NFATC1: variants seen among roughly 807,000 people sequenced by gnomAD.
NFATC1 encodes nuclear factor of activated T cells 1, also known as nuclear factor of activated T-cells, cytoplasmic 1.
Under a neutral mutation model 76.0 loss-of-function variants are expected in NFATC1, and 22 were observed. The ratio of observed to expected loss-of-function variants is 0.29; its 90% confidence interval spans 0.21 to 0.41. NFATC1 has a LOEUF of 0.41. Among genes scored for constraint, NFATC1 ranks in the 10% least tolerant of loss-of-function variants. The probability of loss-of-function intolerance (pLI) is 1.00; values close to 1 mark genes in which losing one functional copy is unlikely to be tolerated. For synonymous variants in NFATC1, 704 were observed against 613.1 expected, an observed-to-expected ratio of 1.15 and a Z score of -2.19; for missense variants, 1,357 against 1,337.7, an observed-to-expected ratio of 1.01 and a Z score of -0.23.
chr18:79,521,208 T>G (rs2090547724), intron 9 of NFATC1, among the ~76,000 whole-genome samples: 1 of 57,674 alleles, frequency 1.7e-5, no homozygotes, highest in African/African-American at 6.0e-5. Context: ...TCAGCTGATA[T>G]GTGTGTCTGT....
chr18:79,470,566 C>T lies in NFATC1; in HGVS notation c.2092+2984C>T, dbSNP rs1174272455. 2.6e-5 allele frequency: 4 copies of T among 152,238 alleles called. No individual in the cohort carries two copies. In the East Asian group the frequency reaches 5.8e-4, roughly 22 times the overall value. The allele number at this position is 152,238 out of a possible 1,614,324, so 9.4% of individuals were successfully genotyped here. A position where few individuals can be genotyped will look rare whatever the true frequency, so the allele number is the denominator to read the frequency against. Reference sequence around the variant, plus strand: ...CACAGGCAGCACAGGGAGGCCCCTCCGAGAGCTCCAAGCATTTGGAATCCA... The same window carrying T: ...CACAGGCAGCACAGGGAGGCCCCTCTGAGAGCTCCAAGCATTTGGAATCCA... On this transcript the variant is annotated intron_variant, in intron 8 of 9. Coordinates refer to ENST00000427363, the MANE Select transcript of NFATC1 (RefSeq NM_001278669.2).
chr18:79,449,793 G>A (rs2087382313), intron 4 of NFATC1, among the ~76,000 whole-genome samples: 1 of 152,228 alleles, frequency 6.6e-6, no homozygotes, highest in African/African-American at 2.4e-5. Flanking sequence ...CAGAGGTCCT[G>A]GGGCTGCAGG....
intron 2 of NFATC1, among the ~76,000 whole-genome samples, chr18:79,425,244 TCTCTGTTTCTCTCCCTGTCTCTGTC>T: frequency 6.6e-6 from 1 of 150,650 alleles, no homozygotes; most frequent in Admixed American, 6.6e-5. Flanking sequence ...TGTCTCTGTC[TCTCTGTTTCTCTCCCTGTCTCTGTC>T]TCTCTCTCTG....
chr18:79,512,154 G>A (rs1031210120), intron 9 of NFATC1, among the ~76,000 whole-genome samples: 24 of 152,052 alleles, frequency 1.6e-4, no homozygotes, highest in African/African-American at 5.3e-4. Flanking sequence ...GCCCCAGGAC[G>A]CAGCCTGACC....
intron 8 of NFATC1, among the ~76,000 whole-genome samples, chr18:79,485,539 C>T (rs1425544728): frequency 2.7e-5 from 4 of 150,278 alleles, no homozygotes; most frequent in African/African-American, 4.9e-5. Flanking sequence ...GGCTCTGGCC[C>T]GGGCCTGGCG....
rs186184635 is a variant in NFATC1 at position 79,526,778 on chromosome 18, G to A, written c.2783-750G>A. ...ACACTACTAATTGCTCCAGGAAGCCGCCCTGAGACAGGCCGGGGCCTTTGC... is the reference window on the plus strand; with the variant it reads ...ACACTACTAATTGCTCCAGGAAGCCACCCTGAGACAGGCCGGGGCCTTTGC... On this transcript the variant is annotated intron_variant, in intron 9 of 9. Coordinates refer to ENST00000427363, the MANE Select transcript of NFATC1 (RefSeq NM_001278669.2). Among the ~76,000 whole-genome samples the A allele has an allele frequency of 3.3e-5, 5 of 152,358 alleles. No individual in the cohort carries two copies. In the East Asian group the frequency reaches 7.7e-4, roughly 23 times the overall value.
intron 9 of NFATC1, among the ~76,000 whole-genome samples, 173 bp downstream of exon 9, chr18:79,487,110 A>G (rs1299413535): frequency 6.6e-6 from 1 of 151,936 alleles, no homozygotes; most frequent in African/African-American, 2.4e-5. Context: ...CCACGGCGTC[A>G]GCGCCACCTG....
chr18:79,442,108 C>A (rs2086999837), intron 3 of NFATC1, among the ~76,000 whole-genome samples: 1 of 152,128 alleles, frequency 6.6e-6, no homozygotes, highest in East Asian at 1.9e-4. Context: ...CAAGGTGGTC[C>A]CTGCATGGCA....
chr18:79,411,693 C>A (rs530140861), intron 2 of NFATC1, among the ~76,000 whole-genome samples, 192 bp downstream of exon 2: 79 of 152,288 alleles, frequency 5.2e-4, no homozygotes, highest in African/African-American at 1.8e-3. Context: ...CTCATGCAGA[C>A]TTTTCCTTGT....
chr18:79,434,439 C>T (rs929102018), intron 3 of NFATC1, among the ~76,000 whole-genome samples: 34 of 152,370 alleles, frequency 2.2e-4, no homozygotes, highest in Non-Finnish European at 4.4e-4. Context: ...GCCATGCTCC[C>T]TCTGCACCCC....
intron 9 of NFATC1, among the ~76,000 whole-genome samples, chr18:79,517,948 A>G (rs996127495): frequency 6.6e-6 from 1 of 152,258 alleles, no homozygotes; most frequent in Non-Finnish European, 1.5e-5. Flanking sequence ...CAAGGATTAA[A>G]CAGTGTATTT....
intron 2 of NFATC1, among the ~76,000 whole-genome samples, chr18:79,420,484 C>A (rs2086044067): frequency 6.7e-6 from 1 of 148,474 alleles, no homozygotes; most frequent in African/African-American, 2.5e-5. Context: ...TTCCAGGTGA[C>A]TTCGCTGCAG....
chr18:79,469,273 G>A (rs1322216705), intron 8 of NFATC1: 1 of 962,988 alleles, frequency 1.0e-6, no homozygotes, highest in Non-Finnish European at 1.2e-6. Context: ...GCCTTATAGA[G>A]AAGGATTGCT....
chr18:79,446,657 C>G (rs1003545552), intron 3 of NFATC1, among the ~76,000 whole-genome samples: 7 of 152,084 alleles, frequency 4.6e-5, no homozygotes, highest in Non-Finnish European at 1.0e-4. Flanking sequence ...CAGCGTCCCC[C>G]GTCCTGACTG....
At chr18:79,403,828 G>A (rs2085345834) in intron 1 of NFATC1, among the ~76,000 whole-genome samples, 1 of 152,268 alleles carries the variant, frequency 6.6e-6, no homozygotes, top group Admixed American at 6.5e-5. Context: ...GAGGGCCCGG[G>A]GTGTCCGTGG....
chr18:79,486,771 G>A lies in NFATC1; in HGVS notation c.2616G>A (p.Thr872=), dbSNP rs372417669. 19 of 1,607,140 alleles carry A rather than the reference G, an allele frequency of 1.2e-5. No individual in the cohort carries two copies. The highest frequency in any genetic ancestry group is 2.2e-5 in the East Asian group (1 of 44,734). The change falls in exon 9 of 10, where the codon ACG becomes ACA. Residue 872 remains threonine, a synonymous_variant. Coordinates refer to ENST00000427363, the MANE Select transcript of NFATC1 (RefSeq NM_001278669.2). The part of the protein sequence containing the change: ...QPCSPACPPA[T]GRPQHLPSTV... ...GCAGCCCAGCGTGCCCGCCCGCCACGGGCCGCCCGCAGCACCTGCCGTCCA... is the reference window on the plus strand; with the variant it reads ...GCAGCCCAGCGTGCCCGCCCGCCACAGGCCGCCCGCAGCACCTGCCGTCCA...
Position 79,410,564 on chromosome 18 carries a change from C to A in NFATC1, c.289C>A (p.Pro97Thr). ...GTACGGAGCAGCTTTGGACGGTGGG[C>A]CCGCGGGCTACTTCCTCTCCTCCGG... ...SGYGAALDGG[P>T]AGYFLSSGHT... Residue 97 changes from proline to threonine, a missense_variant, in exon 2 of 10, where the codon CCC becomes ACC. Physicochemically the swap from Pro to Thr is conservative, Grantham distance 38 (BLOSUM62 -1). This residue lies in a region of NFATC1 where 691 missense variants were observed against 613.1 expected (regional missense o/e 1.13). Transcript: ENST00000427363. This position sits in a 1 kb window ranked among gnomAD's most constrained non-coding sequence, Gnocchi z 6.7. 6.2e-7 allele frequency: 1 copy of A among 1,611,612 alleles called. No individual in the cohort carries two copies. Among genetic ancestry groups the A allele is most frequent in the South Asian group, 1.1e-5 (1 of 91,078 alleles).
chr18:79,433,841 G>A, intron 3 of NFATC1, 103 bp downstream of exon 3: 1 of 1,419,606 alleles, frequency 7.0e-7, no homozygotes, highest in Non-Finnish European at 9.4e-7. Flanking sequence ...AGCCAGGCCA[G>A]CTGAATGCTC....
intron 3 of NFATC1, among the ~76,000 whole-genome samples, chr18:79,436,155 C>T (rs1053856222): frequency 2.6e-5 from 4 of 152,222 alleles, no homozygotes; most frequent in African/African-American, 7.2e-5. Context: ...GACGTGCCCT[C>T]GGTGCCGTCG....
Sources: allele counts gnomAD v4.1 joint callset (sites outside exome capture counted in the v4.1 genomes callset), GRCh38; gene constraint gnomAD v4.1.1; regional missense constraint gnomAD v4.1.1; non-coding constraint Gnocchi (gnomAD v3.1); transcripts MANE v1.5; gene names NCBI Gene and HGNC (gene_info 2026-07-23, HGNC 2026-07-21).